Variants in ERCC6L observed in about 807,000 individuals in gnomAD.
ERCC6L encodes the protein DNA excision repair protein ERCC-6-like.
In ERCC6L, 7 loss-of-function variants were observed where a neutral mutation model predicts 20.1. That is an observed-to-expected ratio of 0.35 (90% CI 0.20 to 0.65). The LOEUF is 0.65. Ranked by LOEUF, ERCC6L falls within the 30% of genes least tolerant of loss-of-function variation. The probability of loss-of-function intolerance (pLI) is 0.69; values close to 1 mark genes in which losing one functional copy is unlikely to be tolerated. For synonymous variants in ERCC6L, 278 were observed against 331.3 expected (o/e 0.84, Z 1.75); for missense variants, 592 against 892.4 (o/e 0.66, Z 4.29).
rs1569492592 is a variant in ERCC6L at position 72,238,956 on chromosome X, T to C, written c.-45A>G. The C allele has an allele frequency of 5.2e-6, 5 of 967,724 alleles. No homozygotes were observed. In the African/African-American group the frequency reaches 5.8e-5, roughly 11 times the overall value. The allele number at this position is 967,724 out of a possible 1,213,427, so 79.8% of individuals were successfully genotyped here. On this transcript the variant is annotated 5_prime_UTR_variant, in exon 1 of 2. Transcript: ENST00000334463. ...AGTTACCCCGGCGGGAGTTTGGAGC[T>C]TGGAGCTTGGAGCTTGGAGCTTGGA...
At chrX:72,228,738 G>C (rs893977641) in intron 1 of ERCC6L, among the ~76,000 whole-genome samples, 1 of 110,450 alleles carries the variant, frequency 9.1e-6, no homozygotes, top group Non-Finnish European at 1.9e-5. Context: ...AACCTTTTTC[G>C]CTTTTTGCTT....
In ERCC6L at chrX:72,207,762, C is replaced by T; in HGVS notation, c.1005G>A (p.Lys335=). The change falls in exon 2 of 2, where the codon AAG becomes AAA. Residue 335 remains lysine (K), a synonymous_variant. Coordinates refer to ENST00000334463, the MANE Select transcript of ERCC6L (RefSeq NM_017669.4). Reference sequence around the variant, plus strand: ...TGGCCTCTGGGTTGCTTGACTTTTTCTTCTGTACGTCTTCTTTAGTCCTCC... The same window carrying T: ...TGGCCTCTGGGTTGCTTGACTTTTTTTTCTGTACGTCTTCTTTAGTCCTCC... ...FLRRTKEDVQ[K]KKSSNPEARL... 2 of 1,211,146 alleles carry T rather than the reference C, an allele frequency of 1.7e-6. No homozygotes were observed. The highest frequency in any genetic ancestry group is 1.7e-5 in the African/African-American group (1 of 57,757).
At position 72,207,921 on chromosome X, in the gene ERCC6L, T is replaced by C. The variant is rs2042829739; in HGVS notation, c.846A>G (p.Thr282=). ...CATACTCCATCTTAAAAGTTTTTAA[T>C]GTTCCCAGCAGGGACCCTTGACAAG... is the stretch of plus-strand genomic sequence containing the variant. The part of the protein sequence containing the change: ...DFACQGSLLG[T]LKTFKMEYEN... The change falls in exon 2 of 2, where the codon ACA becomes ACG. Residue 282 remains threonine, a synonymous_variant. Transcript: ENST00000334463. 1.7e-6 allele frequency: 2 copies of C among 1,211,755 alleles called. No individual in the cohort carries two copies. Among genetic ancestry groups the C allele is most frequent in the African/African-American group, 3.5e-5 (2 of 57,847 alleles).
chrX:72,218,494 T>C (rs2042900040), intron 1 of ERCC6L, among the ~76,000 whole-genome samples: 1 of 100,811 alleles, frequency 9.9e-6, no homozygotes, highest in South Asian at 5.0e-4. Flanking sequence ...AATTTCTTTC[T>C]CTTTTTTTTT....
rs2042839724 is a variant in ERCC6L at position 72,209,401 on chromosome X, C to T, written c.69-703G>A. Among the ~76,000 whole-genome samples, 3 of 111,890 alleles carry T rather than the reference C, an allele frequency of 2.7e-5. No homozygotes were observed. In the South Asian group the frequency reaches 1.1e-3, roughly 42 times the overall value. ...CAAATTCAATTCATCCCAAACTAGA[C>T]TCATTATTTCCCCTCTAAAAACGTG... On this transcript the variant is annotated intron_variant, in intron 1 of 1. Transcript: ENST00000334463.
intron 1 of ERCC6L, among the ~76,000 whole-genome samples, chrX:72,218,677 T>C (rs2042901729): frequency 9.1e-6 from 1 of 110,260 alleles, no homozygotes; most frequent in African/African-American, 3.3e-5. Flanking sequence ...GTATTTTTAC[T>C]AGAGACGGGG....
At chrX:72,217,726 T>TA (rs1268199556) in intron 1 of ERCC6L, among the ~76,000 whole-genome samples, 342 of 107,336 alleles carry the variant, frequency 3.2e-3, no homozygotes, top group Admixed American at 5.8e-3. Flanking sequence ...GAAAAAAAAA[T>TA]AAAAAAAAAC....
chrX:72,220,625 C>T (rs912816310), intron 1 of ERCC6L, among the ~76,000 whole-genome samples: 5 of 109,382 alleles, frequency 4.6e-5, no homozygotes, highest in East Asian at 2.9e-4. Context: ...CCCCTCTGGC[C>T]AGAAAGATGT....
chrX:72,226,742 T>C (rs2042956005), intron 1 of ERCC6L, among the ~76,000 whole-genome samples: 2 of 110,766 alleles, frequency 1.8e-5, no homozygotes, highest in South Asian at 7.6e-4. Flanking sequence ...ATACAACATA[T>C]CCCCTCCTTT....
intron 1 of ERCC6L, among the ~76,000 whole-genome samples, chrX:72,230,956 C>T (rs1407505748): frequency 8.9e-6 from 1 of 111,917 alleles, no homozygotes; most frequent in Non-Finnish European, 1.9e-5. Context: ...CAGAGGGAGA[C>T]CCTGTCTCTA....
chrX:72,236,309 T>C (rs1388306459), intron 1 of ERCC6L, among the ~76,000 whole-genome samples: 1 of 111,036 alleles, frequency 9.0e-6, no homozygotes, highest in Admixed American at 9.6e-5. Flanking sequence ...TTTTTTTCTT[T>C]TTTTTCTGAG....
In ERCC6L at chrX:72,205,840, T is replaced by C; in HGVS notation, c.2927A>G (p.Glu976Gly). 9 of 1,211,855 alleles carry C rather than the reference T, an allele frequency of 7.4e-6. No individual in the cohort carries two copies. The highest frequency in any genetic ancestry group is 1.0e-5 in the Non-Finnish European group (9 of 895,549). The change falls in exon 2 of 2, where the codon GAG becomes GGG. Residue 976 changes from glutamate (E) to glycine (G), a missense_variant. Coordinates refer to ENST00000334463, the MANE Select transcript of ERCC6L (RefSeq NM_017669.4). ...NFSSQSLEHV[E>G]KENSLCGSAP... ...AGAGCCACACAAGCTATTTTCTTTCTCAACATGCTCTAAAGACTGACTGGA... is the reference window on the plus strand; with the variant it reads ...AGAGCCACACAAGCTATTTTCTTTCCCAACATGCTCTAAAGACTGACTGGA...
chrX:72,225,619 GA>G (rs1460909312), intron 1 of ERCC6L, among the ~76,000 whole-genome samples: 1 of 111,311 alleles, frequency 9.0e-6, no homozygotes, highest in Non-Finnish European at 1.9e-5. Context: ...GGATTAGTGG[GA>G]TATTTCTGAT....
At chrX:72,221,850 T>C (rs1004725898) in intron 1 of ERCC6L, among the ~76,000 whole-genome samples, 1 of 109,971 alleles carries the variant, frequency 9.1e-6, no homozygotes, top group Non-Finnish European at 1.9e-5. Flanking sequence ...GCTGTCTGGG[T>C]CTCTCCCTCC....
In ERCC6L at chrX:72,206,283, A is replaced by G. The variant is rs1332719147; in HGVS notation, c.2484T>C (p.Ser828=). 8.3e-7 allele frequency: 1 copy of G among 1,208,911 alleles called. No individual in the cohort carries two copies. Among genetic ancestry groups the G allele is most frequent in the Non-Finnish European group, 1.1e-6 (1 of 894,386 alleles). ...FGSVEELCTN[S]SLGMEKSFAT... ...CAAAGCTTTTTTCCATTCCCAATGAAGAGTTAGTACAAAGTTCTTCTACAC... is the reference window on the plus strand; with the variant it reads ...CAAAGCTTTTTTCCATTCCCAATGAGGAGTTAGTACAAAGTTCTTCTACAC... The change falls in exon 2 of 2, where the codon TCT becomes TCC. Residue 828 remains serine, a synonymous_variant. Coordinates refer to ENST00000334463, the MANE Select transcript of ERCC6L (RefSeq NM_017669.4).
Position 72,205,963 on chromosome X carries a change from T to C in ERCC6L, c.2804A>G (p.Glu935Gly). ...TGAAGGTTCCTCTTCCAACTTGGCC[T>C]CACTTGCTTGAGCATCCTGCAGTGC... ...HSALQDAQAS[E>G]AKLEEEPSAS... is the part of the protein sequence containing the mutation. The change falls in exon 2 of 2, where the codon GAG (glutamate) becomes GGG (glycine). Residue 935 changes from glutamate (E) to glycine (G), a missense_variant. Coordinates refer to ENST00000334463, the MANE Select transcript of ERCC6L (RefSeq NM_017669.4). The C allele has an allele frequency of 4.1e-6, 5 of 1,211,639 alleles. No homozygotes were observed. The highest frequency in any genetic ancestry group is 5.6e-6 in the Non-Finnish European group (5 of 895,180).
chrX:72,227,145 T>C (rs1484635434), intron 1 of ERCC6L, among the ~76,000 whole-genome samples: 2 of 111,928 alleles, frequency 1.8e-5, no homozygotes, highest in East Asian at 5.6e-4. Context: ...TCAATACCTT[T>C]TCAGGATGGG....
intron 1 of ERCC6L, among the ~76,000 whole-genome samples, chrX:72,220,598 C>T (rs1011873799): frequency 9.1e-6 from 1 of 110,356 alleles, no homozygotes; most frequent in Non-Finnish European, 1.9e-5. Flanking sequence ...CAGGAGGATG[C>T]CAGCCTTGAG....
chrX:72,236,747 G>A (rs1437484157), intron 1 of ERCC6L, among the ~76,000 whole-genome samples: 1 of 111,808 alleles, frequency 8.9e-6, no homozygotes, highest in Non-Finnish European at 1.9e-5. Context: ...GAATGACACT[G>A]GTTCATTCAA....
Sources: allele counts gnomAD v4.1 joint callset (sites outside exome capture counted in the v4.1 genomes callset), GRCh38; gene constraint gnomAD v4.1.1; transcripts MANE v1.5; gene names NCBI Gene and HGNC (gene_info 2026-07-23, HGNC 2026-07-21).